KANK1: variants seen among roughly 807,000 people sequenced by gnomAD.
KANK1 encodes the protein KN motif and ankyrin repeat domains 1.
In KANK1, 109 loss-of-function variants were observed where a neutral mutation model predicts 106.2. That is an observed-to-expected ratio of 1.03 (90% CI 0.88 to 1.20). The LOEUF (loss-of-function observed/expected upper bound fraction) is 1.20. Among genes scored for constraint, KANK1 ranks in the 50% most tolerant of loss-of-function variants. KANK1 has a pLI of 0.00. For missense variants in KANK1, 2,399 were observed against 1,710.7 expected (o/e 1.40, Z -7.10); for synonymous variants, 873 against 652.2 (o/e 1.34, Z -5.16).
At chr9:710,690 G>C in intron 2 of KANK1, 114 bp from the exon 3 acceptor site, 1 of 861,636 alleles carries the variant, frequency 1.2e-6, no homozygotes, top group Non-Finnish European at 1.7e-6. Flanking sequence ...CAAAACATAG[G>C]TGTGTCAACT....
chr9:586,620 T>C (rs910081474), intron 1 of KANK1, among the ~76,000 whole-genome samples: 1 of 151,996 alleles, frequency 6.6e-6, no homozygotes. Flanking sequence ...TGGAGTGGTC[T>C]GAGTAAGTAT....
chr9:671,373 C>T (rs925649626), intron 1 of KANK1, among the ~76,000 whole-genome samples: 45 of 151,880 alleles, frequency 3.0e-4, no homozygotes, highest in Non-Finnish European at 2.6e-4. Context: ...GGGCCGGGCG[C>T]GGTGGCTCAC....
At chr9:581,912 C>G (rs1822255137) in intron 1 of KANK1, among the ~76,000 whole-genome samples, 1 of 152,144 alleles carries the variant, frequency 6.6e-6, no homozygotes, top group Non-Finnish European at 1.5e-5. Flanking sequence ...ATCTGCCACT[C>G]AGAGTTTCAC....
intron 1 of KANK1, among the ~76,000 whole-genome samples, chr9:606,180 C>G (rs1340836971): frequency 6.9e-6 from 1 of 144,216 alleles, no homozygotes; most frequent in African/African-American, 2.5e-5. Context: ...CACACACACA[C>G]ACCACTCACA....
At chr9:734,511 C>G (rs1833215377) in intron 6 of KANK1, 1 of 370,654 alleles carries the variant, frequency 2.7e-6, no homozygotes, top group Admixed American at 3.7e-5. Context: ...ACTAAAAATA[C>G]AAAAATTAGC....
rs567882413 is a variant in KANK1 at position 542,211 on chromosome 9, G to A, written c.-84+37457G>A. On this transcript the variant is annotated intron_variant, in intron 1 of 11. Coordinates refer to ENST00000382297, the MANE Select transcript of KANK1 (RefSeq NM_015158.5). ...CAGGGAAATGCAAATTAAAACCACA[G>A]TGAGTGGCCAGATGCAGTGGCTCAT... is the stretch of plus-strand genomic sequence containing the variant. 4.6e-5 allele frequency among the ~76,000 whole-genome samples: 7 copies of A among 151,470 alleles called. No individual in the cohort carries two copies. In the East Asian group the frequency reaches 1.4e-3, roughly 30 times the overall value.
At chr9:555,157 C>T (rs532112984) in intron 1 of KANK1, among the ~76,000 whole-genome samples, 3 of 151,340 alleles carry the variant, frequency 2.0e-5, no homozygotes, top group South Asian at 2.1e-4. Flanking sequence ...AATAAGTGCT[C>T]GTGAAATGAG....
intron 1 of KANK1, among the ~76,000 whole-genome samples, chr9:565,394 C>T: frequency 6.6e-6 from 1 of 152,328 alleles, no homozygotes; most frequent in South Asian, 2.1e-4. Context: ...CAGAGCATAA[C>T]TTGTGTAGTC....
intron 2 of KANK1, among the ~76,000 whole-genome samples, chr9:705,744 G>C (rs936812584): frequency 6.6e-6 from 1 of 151,464 alleles, no homozygotes; most frequent in Admixed American, 6.6e-5. Context: ...GATTACAGGT[G>C]CCCGCCACTA....
At chr9:599,159 C>T (rs950451345) in intron 1 of KANK1, among the ~76,000 whole-genome samples, 12 of 150,720 alleles carry the variant, frequency 8.0e-5, no homozygotes, top group Admixed American at 1.3e-4. Flanking sequence ...GCTGGGATTA[C>T]AGGCACACAC....
chr9:680,315 G>C (rs1817287053), intron 2 of KANK1, among the ~76,000 whole-genome samples: 1 of 152,102 alleles, frequency 6.6e-6, no homozygotes, highest in African/African-American at 2.4e-5. Flanking sequence ...ATCTCAAGTT[G>C]ACATCCCCAT....
At chr9:603,864 C>T (rs1188463644) in intron 1 of KANK1, among the ~76,000 whole-genome samples, 5 of 148,164 alleles carry the variant, frequency 3.4e-5, no homozygotes, top group African/African-American at 1.3e-4. Flanking sequence ...GAGGCTGAGG[C>T]AGGAGAATCA....
At chr9:527,542 C>G (rs1294623660) in intron 1 of KANK1, among the ~76,000 whole-genome samples, 1 of 151,612 alleles carries the variant, frequency 6.6e-6, no homozygotes, top group Non-Finnish European at 1.5e-5. Context: ...CTCAGGTGAT[C>G]TGCCCACCTC....
chr9:546,466 AAGGC>A (rs1310325914), intron 1 of KANK1, among the ~76,000 whole-genome samples: 1 of 152,090 alleles, frequency 6.6e-6, no homozygotes, highest in Non-Finnish European at 1.5e-5. Flanking sequence ...CTCATGGGAA[AAGGC>A]GGTCAGAGAG....
chr9:512,607 C>T (rs1308551432), intron 1 of KANK1, among the ~76,000 whole-genome samples: 5 of 152,128 alleles, frequency 3.3e-5, no homozygotes, highest in Non-Finnish European at 7.4e-5. Context: ...TTGGAAGCTT[C>T]ATGGCCTTTT....
intron 1 of KANK1, among the ~76,000 whole-genome samples, chr9:610,144 ATAAG>A (rs1311257115): frequency 6.6e-6 from 1 of 152,212 alleles, no homozygotes; most frequent in Non-Finnish European, 1.5e-5. Context: ...TCAGGCCATA[ATAAG>A]TTACTTCCTT....
At chr9:498,328 CA>C (rs1198474332) in intron 3 of KANK1, among the ~76,000 whole-genome samples, 1 of 152,158 alleles carries the variant, frequency 6.6e-6, no homozygotes, top group East Asian at 1.9e-4. Context: ...TCTTTAACTA[CA>C]AAGCTTGTAT....
At chr9:697,843 A>G (rs933663958) in intron 2 of KANK1, among the ~76,000 whole-genome samples, 2 of 152,168 alleles carry the variant, frequency 1.3e-5, no homozygotes, top group African/African-American at 4.8e-5. Flanking sequence ...TAAATAGCCA[A>G]TCTGATGTGT....
At chr9:592,397 A>G (rs1316172401) in intron 1 of KANK1, among the ~76,000 whole-genome samples, 1 of 151,870 alleles carries the variant, frequency 6.6e-6, no homozygotes, top group South Asian at 2.1e-4. Context: ...AGACTTTGTC[A>G]TTACATCCAT....
Sources: allele counts gnomAD v4.1 joint callset (sites outside exome capture counted in the v4.1 genomes callset), GRCh38; gene constraint gnomAD v4.1.1; transcripts MANE v1.5; gene names NCBI Gene and HGNC (gene_info 2026-07-23, HGNC 2026-07-21).